CREM: variants seen among roughly 807,000 people sequenced by gnomAD.
CREM encodes cAMP-responsive element modulator.
A neutral mutation model predicts 37.3 loss-of-function variants in CREM; 13 were observed. The ratio of observed to expected loss-of-function variants is 0.35; its 90% CI spans 0.23 to 0.55. The LOEUF is 0.55. CREM is among the 20% of genes least tolerant of loss of function. The pLI, the probability that CREM is intolerant of heterozygous loss-of-function variation, is 0.88. For synonymous variants in CREM, 124 were observed against 120.2 expected (o/e 1.03, Z -0.21); for missense variants, 296 against 362.3 (o/e 0.82, Z 1.49).
chr10:35,186,965 AAT>A (rs2094592048), intron 5 of CREM, among the ~76,000 whole-genome samples: 2 of 96,832 alleles, frequency 2.1e-5, no homozygotes. Flanking sequence ...ATAAATATAT[AAT>A]TTATATATTA....
chr10:35,164,030 T>G (rs1168348385), intron 3 of CREM, among the ~76,000 whole-genome samples: 1 of 152,014 alleles, frequency 6.6e-6, no homozygotes, highest in Non-Finnish European at 1.5e-5. Flanking sequence ...TCAGTTTGAA[T>G]TAAATTTAGC....
chr10:35,188,894 A>T (rs949370392), intron 6 of CREM, among the ~76,000 whole-genome samples: 3 of 151,972 alleles, frequency 2.0e-5, no homozygotes, highest in African/African-American at 7.3e-5. Flanking sequence ...CTGACCTCAG[A>T]TGGAGTCGTC....
intron 1 of CREM, among the ~76,000 whole-genome samples, chr10:35,135,788 G>T (rs376199356): frequency 7.3e-5 from 11 of 150,008 alleles, no homozygotes; most frequent in Non-Finnish European, 1.5e-4. Flanking sequence ...AGAACAAAAG[G>T]CTAGATAATT....
At chr10:35,159,242 A>C (rs1311191943) in intron 3 of CREM, among the ~76,000 whole-genome samples, 1 of 152,116 alleles carries the variant, frequency 6.6e-6, no homozygotes, top group African/African-American at 2.4e-5. Context: ...GTGTATGATA[A>C]TCATTTGAAA....
At chr10:35,170,913 G>A (rs2093783652) in intron 3 of CREM, among the ~76,000 whole-genome samples, 1 of 152,018 alleles carries the variant, frequency 6.6e-6, no homozygotes. Flanking sequence ...AGATATAAGA[G>A]TTTTCTTTTT....
intron 5 of CREM, among the ~76,000 whole-genome samples, chr10:35,183,228 G>A (rs951558377): frequency 2.0e-5 from 3 of 152,032 alleles, no homozygotes; most frequent in Admixed American, 1.3e-4. Flanking sequence ...TACATGAAAG[G>A]TAAGTGGGTC....
chr10:35,179,384 C>T (rs2094252565), intron 5 of CREM, 108 bp downstream of exon 5: 2 of 1,215,130 alleles, frequency 1.6e-6, no homozygotes, highest in South Asian at 3.4e-5. Context: ...TAAAATGCAT[C>T]ATTAATACCT....
intron 6 of CREM, among the ~76,000 whole-genome samples, chr10:35,206,227 G>A (rs1193051321): frequency 4.6e-5 from 7 of 150,608 alleles, no homozygotes; most frequent in South Asian, 2.1e-4. Flanking sequence ...CAGCCTGGGC[G>A]ACAGAGCGAG....
chr10:35,179,424 T>A, intron 5 of CREM, 148 bp downstream of exon 5: 1 of 936,688 alleles, frequency 1.1e-6, no homozygotes, highest in Non-Finnish European at 1.5e-6. Context: ...AAGTATATGT[T>A]AAAAAGTGAG....
In CREM at chr10:35,205,076, A is replaced by G. The variant is rs139665492; in HGVS notation, c.599-1819A>G. Among the ~76,000 whole-genome samples the G allele has an allele frequency of 1.1e-4, 16 of 152,314 alleles. No homozygotes were observed. The East Asian group carries it at 3.1e-3, about 29-fold the overall frequency. Reference sequence around the variant, plus strand: ...AGCTTTGAGAGAGCATGTATTTTGTAATGTCTCATCAGAGTGACAAACTAA... The same window carrying G: ...AGCTTTGAGAGAGCATGTATTTTGTGATGTCTCATCAGAGTGACAAACTAA... On this transcript the variant is annotated intron_variant, in intron 6 of 7. Coordinates refer to ENST00000685392, the MANE Select transcript of CREM (RefSeq NM_183011.2).
intron 3 of CREM, among the ~76,000 whole-genome samples, chr10:35,176,674 G>A (rs893978081): frequency 6.6e-6 from 1 of 152,132 alleles, no homozygotes; most frequent in South Asian, 2.1e-4. Context: ...TTCCCAAAGT[G>A]CTGGGATTAC....
rs17499247 is a variant in CREM at position 35,137,827 on chromosome 10, A to G, written c.-9A>G. The G allele has an allele frequency of 0.34, 529,011 of 1,554,926 alleles. 91,306 individuals carry two copies. Among genetic ancestry groups the G allele is most frequent in the Non-Finnish European group, 0.34 (391,085 of 1,141,214 alleles). On this transcript the variant is annotated 5_prime_UTR_variant, in exon 2 of 8. It adds an upstream start codon to the 5' untranslated region. Coordinates refer to ENST00000685392, the MANE Select transcript of CREM (RefSeq NM_183011.2). Reference sequence around the variant, plus strand: ...AAGGAGGAAAGCATTGATTACAAATATCTTAACAATGAGCAAATGTGCAAG... The same window carrying G: ...AAGGAGGAAAGCATTGATTACAAATGTCTTAACAATGAGCAAATGTGCAAG...
chr10:35,206,694 G>A (rs903259739), intron 6 of CREM, among the ~76,000 whole-genome samples: 1 of 152,154 alleles, frequency 6.6e-6, no homozygotes, highest in Non-Finnish European at 1.5e-5. Flanking sequence ...AGTGTTTAGA[G>A]CATGCTAAAT....
intron 1 of CREM, among the ~76,000 whole-genome samples, chr10:35,132,187 C>T (rs1028881837): frequency 7.0e-5 from 9 of 127,792 alleles, no homozygotes; most frequent in Admixed American, 6.1e-4. Flanking sequence ...GGTGATAGAG[C>T]GAGACTTGAG....
At chr10:35,185,595 A>G (rs1030847435) in intron 5 of CREM, among the ~76,000 whole-genome samples, 3 of 152,212 alleles carry the variant, frequency 2.0e-5, no homozygotes, top group African/African-American at 7.2e-5. Flanking sequence ...TCATACTTGT[A>G]AGAAGTTAGT....
intron 6 of CREM, among the ~76,000 whole-genome samples, chr10:35,200,509 A>G (rs749472030): frequency 5.3e-5 from 8 of 152,214 alleles, no homozygotes; most frequent in South Asian, 2.1e-4. Context: ...TAGTGATTGT[A>G]GCAAATTTGA....
intron 1 of CREM, among the ~76,000 whole-genome samples, chr10:35,128,311 C>A (rs1223236305): frequency 1.3e-5 from 2 of 152,162 alleles, no homozygotes. Context: ...ATTGAAAGAG[C>A]TCCTTTAACA....
intron 7 of CREM, among the ~76,000 whole-genome samples, chr10:35,209,784 C>G (rs1015791820): frequency 2.6e-5 from 4 of 152,142 alleles, no homozygotes; most frequent in Non-Finnish European, 4.4e-5. Flanking sequence ...CCCAAATTGG[C>G]AAATGTGTGT....
At chr10:35,150,658 C>T (rs537734796) in intron 3 of CREM, among the ~76,000 whole-genome samples, 36 of 152,150 alleles carry the variant, frequency 2.4e-4, no homozygotes, top group South Asian at 1.0e-3. Context: ...CCTGTCTCTA[C>T]TAAAAATACA....
Sources: gnomAD v4.1 joint callset for allele counts (sites outside exome capture counted in the v4.1 genomes callset) on GRCh38, gnomAD v4.1.1 for gene constraint, MANE v1.5 for transcripts, NCBI Gene and HGNC (gene_info 2026-07-23, HGNC 2026-07-21) for gene names.